Variants in ABCF3 observed in about 807,000 individuals in gnomAD.
The protein encoded by ABCF3 is ATP binding cassette subfamily F member 3, also known as ATP-binding cassette sub-family F member 3.
In ABCF3, 62 loss-of-function variants were observed where a neutral mutation model predicts 94.3. The ratio of observed to expected loss-of-function variants is 0.66; its 90% confidence interval spans 0.54 to 0.81. The LOEUF is 0.81. Among genes scored for constraint, ABCF3 ranks in the 40% least tolerant of loss-of-function variants. The pLI is 0.00. For missense variants in ABCF3, 843 were observed against 925.3 expected, an observed-to-expected ratio of 0.91 and a Z score of 1.15; for synonymous variants, 355 against 361.1, an observed-to-expected ratio of 0.98 and a Z score of 0.19.
chr3:184,191,497 C>G (rs1029027730), intron 16 of ABCF3, among the ~76,000 whole-genome samples: 2 of 152,144 alleles, frequency 1.3e-5, no homozygotes, highest in Non-Finnish European at 2.9e-5. Context: ...TAAAGCAGTG[C>G]TTTACCTTAT....
rs1382899470 is a variant in ABCF3, at chr3:184,189,901, T to C, written c.1361T>C (p.Val454Ala). Residue 454 changes from valine to alanine, a missense_variant, in exon 14 of 21, where the codon GTG (valine) becomes GCG (alanine). Transcript: ENST00000429586. Reference protein sequence around the residue: ...FRYNANRASQVQSKLKMLEKL... With the variant: ...FRYNANRASQAQSKLKMLEKL... ...TACAATGCCAACAGGGCCTCTCAAGTGCAGAGTAAACTCAAGATGCTGGAG... is the reference window on the plus strand; with the variant it reads ...TACAATGCCAACAGGGCCTCTCAAGCGCAGAGTAAACTCAAGATGCTGGAG... 1 of 1,614,202 alleles carries C rather than the reference T, an allele frequency of 6.2e-7. No homozygotes were observed. The highest frequency in any genetic ancestry group is 2.2e-5 in the East Asian group (1 of 44,878).
At chr3:184,190,040 C>A in intron 14 of ABCF3, 109 bp downstream of exon 14, 3 of 1,151,134 alleles carry the variant, frequency 2.6e-6, no homozygotes, top group East Asian at 5.0e-5. Context: ...CGCTAGAAGC[C>A]AACTGTGACT....
chr3:184,190,390 T>A, intron 14 of ABCF3: 1 of 184,512 alleles, frequency 5.4e-6, no homozygotes, highest in Non-Finnish European at 1.1e-5. Context: ...AATGTTGCTG[T>A]GAACATTGGT....
At position 184,193,781 on chromosome 3, in the gene ABCF3, G is replaced by T; in HGVS notation, c.*83G>T. On this transcript the variant is annotated 3_prime_UTR_variant, in exon 21 of 21. Coordinates refer to ENST00000429586, the MANE Select transcript of ABCF3 (RefSeq NM_018358.3). The surrounding 1 kb of genome is among the most constrained non-coding windows in gnomAD (Gnocchi z 5.2). The stretch of plus-strand genomic sequence containing the variant: ...ACCATGTAGGCCACCACTCCAGGCC[G>T]TGGACTTCCCCCAACTTGGGGACAG... 9 of 1,430,870 alleles carry T rather than the reference G, an allele frequency of 6.3e-6. No homozygotes were observed. The South Asian group carries it at 1.2e-4, about 18-fold the overall frequency. 88.6% of individuals were successfully genotyped at this position (1,430,870 alleles called of 1,614,324 possible). A position where few individuals can be genotyped will look rare whatever the true frequency, so the allele number is the denominator to read the frequency against.
rs375009324 is a variant in ABCF3 at position 184,191,749 on chromosome 3, C to CTTTTTTTTTTTTTTTTTTTTTTTTT, written c.1569+508_1569+509insTTTTTTTTTTTTTTTTTTTTTTTTT. 9.4e-4 allele frequency among the ~76,000 whole-genome samples: 108 copies of CTTTTTTTTTTTTTTTTTTTTTTTTT among 114,700 alleles called. 19 individuals are homozygous for CTTTTTTTTTTTTTTTTTTTTTTTTT. Among genetic ancestry groups the CTTTTTTTTTTTTTTTTTTTTTTTTT allele is most frequent in the African/African-American group, 2.6e-3 (70 of 27,302 alleles). The allele number at this position is 114,700 out of a possible 152,430, so 75.2% of individuals were successfully genotyped here. On this transcript the variant is annotated intron_variant, in intron 16 of 20. Transcript: ENST00000429586. ...GCATTTTTCTGTAGAGTTAGAGTTC[C>CTTTTTTTTTTTTTTTTTTTTTTTTT]TTTTTTTTTTTTTTCGGAGACAGAG...
In ABCF3 at chr3:184,193,808, C is replaced by A; in HGVS notation, c.*110C>A. 1 of 1,281,882 alleles carries A rather than the reference C, an allele frequency of 7.8e-7. No homozygotes were observed. Among genetic ancestry groups the A allele is most frequent in the Non-Finnish European group, 1.1e-6 (1 of 945,506 alleles). The allele number at this position is 1,281,882 out of a possible 1,614,324, so 79.4% of individuals were successfully genotyped here. On this transcript the variant is annotated 3_prime_UTR_variant, in exon 21 of 21. Transcript: ENST00000429586. The surrounding 1 kb of genome is among the most constrained non-coding windows in gnomAD (Gnocchi z 5.2). Reference sequence around the variant, plus strand: ...GGACTTCCCCCAACTTGGGGACAGCCTTATTCCCAAATGTCTCTATCCTTT... The same window carrying A: ...GGACTTCCCCCAACTTGGGGACAGCATTATTCCCAAATGTCTCTATCCTTT...
chr3:184,190,148 C>G, intron 14 of ABCF3: 1 of 595,568 alleles, frequency 1.7e-6, no homozygotes, highest in East Asian at 2.8e-5. Context: ...GTTTCTGCTT[C>G]TACGTATCTG....
In ABCF3 at chr3:184,187,887, A is replaced by G; in HGVS notation, c.473A>G (p.Gln158Arg). 1.2e-6 allele frequency: 2 copies of G among 1,614,200 alleles called. No homozygotes were observed. Among genetic ancestry groups the G allele is most frequent in the Non-Finnish European group, 1.7e-6 (2 of 1,180,048 alleles). The change falls in exon 6 of 21, where the codon CAG becomes CGG. Residue 158 changes from glutamine (Q) to arginine (R), a missense_variant. Physicochemically the swap from Gln to Arg is conservative, Grantham distance 43 (BLOSUM62 1). Coordinates refer to ENST00000429586, the MANE Select transcript of ABCF3 (RefSeq NM_018358.3). ...PLVLEEASAS[Q>R]AGSRKESRLE... ...GTCTTAGAAGAGGCATCAGCCAGCCAGGCAGGCAGCAGAAAGGAGAGTCGG... is the reference window on the plus strand; with the variant it reads ...GTCTTAGAAGAGGCATCAGCCAGCCGGGCAGGCAGCAGAAAGGAGAGTCGG...
At chr3:184,189,185 T>A (rs1281347259) in intron 10 of ABCF3, 41 bp downstream of exon 10, 1 of 1,614,198 alleles carries the variant, frequency 6.2e-7, no homozygotes, top group Admixed American at 1.7e-5. Context: ...TATGGAAGAT[T>A]GGTCTTAGCT....
rs369491609 is a variant in ABCF3 at position 184,187,814 on chromosome 3, A to G, written c.447-47A>G. Reference sequence around the variant, plus strand: ...AGAGCAGAGCAGCTTTTGCCTGGACAGAAGGTGGTGGGGAGCACTAAGAGC... The same window carrying G: ...AGAGCAGAGCAGCTTTTGCCTGGACGGAAGGTGGTGGGGAGCACTAAGAGC... On this transcript the variant is annotated intron_variant, in intron 5 of 20. Transcript: ENST00000429586. The G allele has an allele frequency of 3.1e-6, 5 of 1,614,026 alleles. No homozygotes were observed. In the African/African-American group the frequency reaches 6.7e-5, roughly 22 times the overall value.
Position 184,193,726 on chromosome 3 carries a change from A to C in ABCF3, c.*28A>C. On this transcript the variant is annotated 3_prime_UTR_variant, in exon 21 of 21. Transcript: ENST00000429586. This position sits in a 1 kb window ranked among gnomAD's most constrained non-coding sequence, Gnocchi z 5.2. ...CCACCAGGCTGAGGACTCGCCCAGGACATGGACTGGTCTCTCAGACCCCTG... is the reference window on the plus strand; with the variant it reads ...CCACCAGGCTGAGGACTCGCCCAGGCCATGGACTGGTCTCTCAGACCCCTG... The C allele has an allele frequency of 6.4e-7, 1 of 1,563,420 alleles. No homozygotes were observed.
intron 15 of ABCF3, 32 bp downstream of exon 15, chr3:184,191,075 ATTGC>A (rs1389709759): frequency 5.6e-6 from 9 of 1,614,062 alleles, no homozygotes; most frequent in Non-Finnish European, 6.8e-6. Flanking sequence ...CTGGTGGGGA[ATTGC>A]TTGCTTCCAG....
At chr3:184,187,256 G>A in intron 3 of ABCF3, 141 bp from the exon 4 acceptor site, 1 of 902,278 alleles carries the variant, frequency 1.1e-6, no homozygotes, top group Non-Finnish European at 1.8e-6. Context: ...TTTAGTGCAG[G>A]GAAGATAATA....
chr3:184,193,796 C>G lies in ABCF3; in HGVS notation c.*98C>G, dbSNP rs1577071754. On this transcript the variant is annotated 3_prime_UTR_variant, in exon 21 of 21. Coordinates refer to ENST00000429586, the MANE Select transcript of ABCF3 (RefSeq NM_018358.3). This position sits in a 1 kb window ranked among gnomAD's most constrained non-coding sequence, Gnocchi z 5.2. ...ACTCCAGGCCGTGGACTTCCCCCAA[C>G]TTGGGGACAGCCTTATTCCCAAATG... is the stretch of plus-strand genomic sequence containing the variant. 3 of 1,350,706 alleles carry G rather than the reference C, an allele frequency of 2.2e-6. No homozygotes were observed. Among genetic ancestry groups the G allele is most frequent in the East Asian group, 2.5e-5 (1 of 39,658 alleles). The allele number at this position is 1,350,706 out of a possible 1,614,324, so 83.7% of individuals were successfully genotyped here. A position where few individuals can be genotyped will look rare whatever the true frequency, so the allele number is the denominator to read the frequency against.
chr3:184,188,175 T>A lies in ABCF3; in HGVS notation c.604T>A (p.Trp202Arg). Reference sequence around the variant, plus strand: ...GGCTGGAGCGGATGTGAACCTGGCATGGGGCCGCCGTTACGGGCTGGTGGG... The same window carrying A: ...GGCTGGAGCGGATGTGAACCTGGCAAGGGGCCGCCGTTACGGGCTGGTGGG... ...LLAGADVNLA[W>R]GRRYGLVGRN... The change falls in exon 7 of 21, where the codon TGG (tryptophan) becomes AGG (arginine). Residue 202 changes from tryptophan to arginine, a missense_variant. Coordinates refer to ENST00000429586, the MANE Select transcript of ABCF3 (RefSeq NM_018358.3). 2 of 1,613,978 alleles carry A rather than the reference T, an allele frequency of 1.2e-6. No individual in the cohort carries two copies. The highest frequency in any genetic ancestry group is 1.7e-6 in the Non-Finnish European group (2 of 1,180,010).
At chr3:184,188,610 G>A in intron 7 of ABCF3, 151 bp from the exon 8 acceptor site, 2 of 1,011,698 alleles carry the variant, frequency 2.0e-6, no homozygotes. Flanking sequence ...TTTCCATAGT[G>A]CCCAAGGTAA....
chr3:184,192,167 A>G (rs1716067511), intron 16 of ABCF3, among the ~76,000 whole-genome samples: 1 of 152,152 alleles, frequency 6.6e-6, no homozygotes, highest in Admixed American at 6.5e-5. Context: ...TTATTGATAC[A>G]TAATTGTACA....
Position 184,192,696 on chromosome 3 carries a change from C to A in ABCF3, c.1658+7C>A. 1 of 1,609,602 alleles carries A rather than the reference C, an allele frequency of 6.2e-7. No homozygotes were observed. The highest frequency in any genetic ancestry group is 8.5e-7 in the Non-Finnish European group (1 of 1,177,958). Reference sequence around the variant, plus strand: ...GCATCAGACACGCTCACAGGTCAGGCCCACCCGCACCCCTGCCCCCATGAG... The same window carrying A: ...GCATCAGACACGCTCACAGGTCAGGACCACCCGCACCCCTGCCCCCATGAG... On this transcript the variant is annotated splice_region_variant and intron_variant, in intron 17 of 20. Transcript: ENST00000429586.
rs1716189446 is a variant in ABCF3 at position 184,193,876 on chromosome 3, G to A, written c.*178G>A. Reference sequence around the variant, plus strand: ...GCACAACCTTGGGAGCCCATCCAAGGGTTGGTGAGGACTGGTCTCCCGGGG... The same window carrying A: ...GCACAACCTTGGGAGCCCATCCAAGAGTTGGTGAGGACTGGTCTCCCGGGG... On this transcript the variant is annotated 3_prime_UTR_variant, in exon 21 of 21. Coordinates refer to ENST00000429586, the MANE Select transcript of ABCF3 (RefSeq NM_018358.3). This position sits in a 1 kb window ranked among gnomAD's most constrained non-coding sequence, Gnocchi z 5.2. 2.3e-6 allele frequency: 2 copies of A among 853,290 alleles called. No homozygotes were observed. Among genetic ancestry groups the A allele is most frequent in the Non-Finnish European group, 3.5e-6 (2 of 573,734 alleles). 52.9% of individuals were successfully genotyped at this position (853,290 alleles called of 1,614,324 possible). A position where few individuals can be genotyped will look rare whatever the true frequency, so the allele number is the denominator to read the frequency against.
Sources: gnomAD v4.1 joint callset for allele counts (sites outside exome capture counted in the v4.1 genomes callset) on GRCh38, gnomAD v4.1.1 for gene constraint, Gnocchi (gnomAD v3.1) non-coding constraint, MANE v1.5 for transcripts, NCBI Gene and HGNC (gene_info 2026-07-23, HGNC 2026-07-21) for gene names.